The following NDUFAF6 variants were observed in gnomAD, a reference collection of about 807,000 sequenced individuals.
NDUFAF6 encodes NADH dehydrogenase (ubiquinone) complex I, assembly factor 6.
In NDUFAF6, 45 loss-of-function variants were observed where a neutral mutation model predicts 40.8. The ratio of observed to expected loss-of-function variants is 1.10; its 90% CI spans 0.87 to 1.42. NDUFAF6 has a LOEUF of 1.42. Among genes scored for constraint, NDUFAF6 ranks in the 40% most tolerant of loss-of-function variants. The pLI, the probability that NDUFAF6 is intolerant of heterozygous loss-of-function variation, is 0.00. For synonymous variants in NDUFAF6, 185 were observed against 155.9 expected, an observed-to-expected ratio of 1.19 and a Z score of -1.39; for missense variants, 435 against 418.5, an observed-to-expected ratio of 1.04 and a Z score of -0.34.
chr8:94,994,710 G>A (rs1826343620), intron 2 of NDUFAF6, among the ~76,000 whole-genome samples: 1 of 152,052 alleles, frequency 6.6e-6, no homozygotes, highest in African/African-American at 2.4e-5. Context: ...GCATGTACCT[G>A]TAGTCCTAGC....
At chr8:95,082,847 A>G (rs1808918829) in intron 2 of NDUFAF6, among the ~76,000 whole-genome samples, 1 of 152,062 alleles carries the variant, frequency 6.6e-6, no homozygotes, top group South Asian at 2.1e-4. Context: ...TTTTTAGTAG[A>G]GACGGGGTTT....
intron 1 of NDUFAF6, among the ~76,000 whole-genome samples, chr8:94,973,428 G>A (rs1232664718): frequency 6.6e-6 from 1 of 152,176 alleles, no homozygotes; most frequent in Non-Finnish European, 1.5e-5. Flanking sequence ...TGACCTTTGG[G>A]CTGGGTGCGG....
rs151171484 is a variant in NDUFAF6, at chr8:94,960,153, T to G, written c.-199+1974T>G. Among the ~76,000 whole-genome samples, 1,115 of 152,280 alleles carry G rather than the reference T, an allele frequency of 7.3e-3. 16 individuals are homozygous for G. Among genetic ancestry groups the G allele is most frequent in the African/African-American group, 0.025 (1,054 of 41,550 alleles). On this transcript the variant is annotated intron_variant, in intron 1 of 9. Transcript: ENST00000396111. ...ACCAGATCTTTGCCTTAAAAACACT[T>G]CCTTCTTTTTTTTGGTAGCAGCTTT...
At chr8:95,012,643 A>AAAAT (rs61552543) in intron 2 of NDUFAF6, among the ~76,000 whole-genome samples, 30,566 of 147,290 alleles carry the variant, frequency 0.21, 4,169 homozygotes, top group African/African-American at 0.39. Context: ...CTCTGTCTCT[A>AAAAT]AAATAAATAA....
At chr8:94,903,810 C>G (rs117738885) in intron 1 of NDUFAF6, among the ~76,000 whole-genome samples, 35 of 152,288 alleles carry the variant, frequency 2.3e-4, no homozygotes, top group African/African-American at 8.4e-4. Flanking sequence ...TGTTTCTGAA[C>G]TATTTACTCA....
At chr8:94,972,430 G>C (rs969241611) in intron 1 of NDUFAF6, among the ~76,000 whole-genome samples, 1 of 151,954 alleles carries the variant, frequency 6.6e-6, no homozygotes, top group African/African-American at 2.4e-5. Context: ...GTAGATATGG[G>C]GTTTCGCCAT....
chr8:94,931,093 T>TA (rs1820348755), intron 1 of NDUFAF6, among the ~76,000 whole-genome samples: 1 of 152,214 alleles, frequency 6.6e-6, no homozygotes, highest in East Asian at 1.9e-4. Flanking sequence ...CTTTTGCAAA[T>TA]ATATATTTTA....
At chr8:95,017,629 C>A (rs2131688684) in intron 2 of NDUFAF6, among the ~76,000 whole-genome samples, 1 of 152,278 alleles carries the variant, frequency 6.6e-6, no homozygotes, top group Non-Finnish European at 1.5e-5. Context: ...CCAGTTTTTC[C>A]TGATAATATT....
chr8:95,060,481 G>A (rs923439914), downstream of NDUFAF6, among the ~76,000 whole-genome samples: 1 of 152,222 alleles, frequency 6.6e-6, no homozygotes, highest in African/African-American at 2.4e-5. Context: ...TTCTCTCCTT[G>A]TGGTTGAAGC....
chr8:94,997,558 C>T (rs149651276), intron 2 of NDUFAF6, among the ~76,000 whole-genome samples: 39 of 152,274 alleles, frequency 2.6e-4, no homozygotes, highest in Middle Eastern at 3.4e-3. Flanking sequence ...GTCTGAAGAT[C>T]TCCACAGCCA....
rs148770647 is a variant in NDUFAF6, at chr8:95,094,285, T to C, written n.214-6847T>C. Among the ~76,000 whole-genome samples, 681 of 152,180 alleles carry C rather than the reference T, an allele frequency of 4.5e-3. 4 individuals carry two copies. The highest frequency in any genetic ancestry group is 0.015 in the African/African-American group (628 of 41,538). ...CCACACCCGACCAAGAAATACTTCCTTTTTCACCCCTTCCTCTTCCACTTC... is the reference window on the plus strand; with the variant it reads ...CCACACCCGACCAAGAAATACTTCCCTTTTCACCCCTTCCTCTTCCACTTC... On this transcript the variant is annotated intron_variant and non_coding_transcript_variant, in intron 2 of 5. Coordinates refer to the NDUFAF6 transcript ENST00000523184.
rs949532157 is a variant in NDUFAF6 at position 95,058,229 on chromosome 8, C to T, written c.*292C>T. 8 of 1,344,010 alleles carry T rather than the reference C, an allele frequency of 6.0e-6. No individual in the cohort carries two copies. The highest frequency in any genetic ancestry group is 7.6e-6 in the Non-Finnish European group (8 of 1,054,316). The allele number at this position is 1,344,010 out of a possible 1,614,324, so 83.3% of individuals were successfully genotyped here. On this transcript the variant is annotated 3_prime_UTR_variant, in exon 9 of 9. Coordinates refer to ENST00000396124, the MANE Select transcript of NDUFAF6 (RefSeq NM_152416.4). ...GGTGTAGCTGTGCATAGGCCATAAG[C>T]CACACTTGAGCCAGTGGGCAGGGAG...
At chr8:94,896,895 G>A (rs1192445474) in intron 1 of NDUFAF6, among the ~76,000 whole-genome samples, 1 of 152,198 alleles carries the variant, frequency 6.6e-6, no homozygotes, top group Non-Finnish European at 1.5e-5. Flanking sequence ...ACCTGTAGGA[G>A]CTTTGCCCAA....
At chr8:95,109,312 G>T (rs1016610466) in intron 4 of NDUFAF6, among the ~76,000 whole-genome samples, 4 of 152,168 alleles carry the variant, frequency 2.6e-5, no homozygotes, top group African/African-American at 9.7e-5. Flanking sequence ...CAAAATAAAC[G>T]ATTAACAAAT....
chr8:95,047,321 T>TGGA (rs1295850626), intron 6 of NDUFAF6, among the ~76,000 whole-genome samples, 194 bp downstream of exon 6: 1 of 152,190 alleles, frequency 6.6e-6, no homozygotes, highest in Non-Finnish European at 1.5e-5. Flanking sequence ...TTTAGGTCTC[T>TGGA]GGAGGAGCAA....
intron 2 of NDUFAF6, among the ~76,000 whole-genome samples, chr8:94,985,450 G>A (rs1201860411): frequency 2.2e-5 from 2 of 92,004 alleles, no homozygotes; most frequent in Admixed American, 2.8e-4. Context: ...CCAGAAAGTA[G>A]AAAAGAAAAA....
At chr8:95,029,841 T>C (rs906532820) in intron 1 of NDUFAF6, among the ~76,000 whole-genome samples, 2 of 152,190 alleles carry the variant, frequency 1.3e-5, no homozygotes, top group African/African-American at 2.4e-5. Context: ...TGATTTGTCC[T>C]ATTATTATGA....
At chr8:95,003,737 A>C (rs1826837850) in intron 2 of NDUFAF6, among the ~76,000 whole-genome samples, 1 of 152,156 alleles carries the variant, frequency 6.6e-6, no homozygotes, top group Non-Finnish European at 1.5e-5. Context: ...GGGCTTCCTC[A>C]ATGCCACACT....
At chr8:94,927,465 G>C (rs1819993523) in intron 1 of NDUFAF6, 1 of 152,118 alleles carries the variant, frequency 6.6e-6, no homozygotes, top group Admixed American at 6.6e-5. Context: ...TTTGCATGGG[G>C]ATTGGAAAAA....
Sources: gnomAD v4.1 joint callset for allele counts (sites outside exome capture counted in the v4.1 genomes callset) on GRCh38, gnomAD v4.1.1 for gene constraint, MANE v1.5 for transcripts, NCBI Gene and HGNC (gene_info 2026-07-23, HGNC 2026-07-21) for gene names.